NELL1: variants seen among roughly 807,000 people sequenced by gnomAD.
NELL1 encodes the protein protein kinase C-binding protein NELL1.
Under a neutral mutation model 107.4 loss-of-function variants are expected in NELL1, and 76 were observed. The observed-to-expected ratio is 0.71, with a 90% CI of 0.59 to 0.86. NELL1 has a LOEUF of 0.86. Ranked by LOEUF, NELL1 falls within the 40% of genes least tolerant of loss-of-function variation. The pLI, the probability that NELL1 is intolerant of heterozygous loss-of-function variation, is 0.00. For synonymous variants in NELL1, 353 were observed against 341.2 expected (o/e 1.03, Z -0.38); for missense variants, 1,024 against 1,005.5 (o/e 1.02, Z -0.25).
chr11:21,180,961 T>C (rs777750011), intron 13 of NELL1, among the ~76,000 whole-genome samples: 22 of 151,818 alleles, frequency 1.4e-4, no homozygotes, highest in Non-Finnish European at 2.9e-4. Flanking sequence ...ACCATTGATA[T>C]ACTAGGCAAA....
intron 13 of NELL1, among the ~76,000 whole-genome samples, chr11:21,147,367 C>T (rs995024124): frequency 6.6e-6 from 1 of 151,936 alleles, no homozygotes; most frequent in Non-Finnish European, 1.5e-5. Flanking sequence ...GAGAATTTTA[C>T]GAATAAATAC....
At chr11:21,309,254 ATATATG>A in intron 14 of NELL1, among the ~76,000 whole-genome samples, 1 of 49,652 alleles carries the variant, frequency 2.0e-5, no homozygotes, top group East Asian at 3.8e-4. Flanking sequence ...CTCTAAATAT[ATATATG>A]TATATATATA....
chr11:21,096,595 G>A (rs1180430455), intron 12 of NELL1, among the ~76,000 whole-genome samples: 1 of 152,066 alleles, frequency 6.6e-6, no homozygotes, highest in African/African-American at 2.4e-5. Context: ...GAGGTCTTTG[G>A]CACCTACCTG....
chr11:20,988,488 C>T (rs1851901402), intron 12 of NELL1, among the ~76,000 whole-genome samples: 1 of 133,158 alleles, frequency 7.5e-6, no homozygotes, highest in Non-Finnish European at 1.6e-5. Flanking sequence ...TATATATACA[C>T]ATGTACATAT....
intron 12 of NELL1, among the ~76,000 whole-genome samples, chr11:21,105,550 A>G (rs915673070): frequency 3.3e-5 from 5 of 152,146 alleles, no homozygotes; most frequent in African/African-American, 1.2e-4. Context: ...GGACATGCCT[A>G]GGGCCCGGAT....
At chr11:21,088,991 C>T (rs139128738) in intron 12 of NELL1, among the ~76,000 whole-genome samples, 2 of 152,228 alleles carry the variant, frequency 1.3e-5, no homozygotes, top group East Asian at 1.9e-4. Context: ...AGCACAGAGA[C>T]AGGACACAGC....
At chr11:20,958,890 C>G (rs1851232538) in intron 11 of NELL1, among the ~76,000 whole-genome samples, 1 of 152,162 alleles carries the variant, frequency 6.6e-6, no homozygotes, top group South Asian at 2.1e-4. Flanking sequence ...TAGGCATACC[C>G]TGGAGATATT....
chr11:20,869,476 C>T (rs1486913355), intron 4 of NELL1, among the ~76,000 whole-genome samples: 2 of 152,140 alleles, frequency 1.3e-5, no homozygotes, highest in Admixed American at 1.3e-4. Context: ...GCAGAGACAA[C>T]TGAGCCAGTT....
At chr11:20,990,826 A>G (rs1851955946) in intron 12 of NELL1, among the ~76,000 whole-genome samples, 1 of 152,124 alleles carries the variant, frequency 6.6e-6, no homozygotes, top group African/African-American at 2.4e-5. Flanking sequence ...ACTTGGCTTC[A>G]TTTCATCCTC....
intron 2 of NELL1, among the ~76,000 whole-genome samples, chr11:20,704,555 A>G (rs910653920): frequency 2.0e-5 from 3 of 152,164 alleles, no homozygotes; most frequent in Non-Finnish European, 4.4e-5. Flanking sequence ...TTATGATGTT[A>G]GCTGGTTATT....
At chr11:21,273,714 A>T (rs1565141206) in intron 14 of NELL1, among the ~76,000 whole-genome samples, 2 of 152,218 alleles carry the variant, frequency 1.3e-5, no homozygotes, top group Non-Finnish European at 2.9e-5. Flanking sequence ...CTCGGCAGAA[A>T]CTCTACAAGC....
chr11:21,273,839 G>C (rs889650881), intron 14 of NELL1, among the ~76,000 whole-genome samples: 3 of 152,144 alleles, frequency 2.0e-5, no homozygotes, highest in Non-Finnish European at 4.4e-5. Context: ...ATCCTTTACA[G>C]ACAAGCAAAT....
At chr11:20,992,989 A>G (rs1565004349) in intron 12 of NELL1, among the ~76,000 whole-genome samples, 1 of 152,116 alleles carries the variant, frequency 6.6e-6, no homozygotes, top group East Asian at 1.9e-4. Flanking sequence ...CAAAAGTGGC[A>G]TTTTTGACCA....
chr11:21,562,775 CA>C (rs1454541682), intron 17 of NELL1, among the ~76,000 whole-genome samples: 2 of 148,634 alleles, frequency 1.3e-5, no homozygotes, highest in Admixed American at 1.4e-4. Flanking sequence ...TCAAATTATG[CA>C]ACAGCAGAAT....
chr11:21,004,670 A>G (rs748138910), intron 12 of NELL1, among the ~76,000 whole-genome samples: 5 of 152,112 alleles, frequency 3.3e-5, no homozygotes, highest in Admixed American at 6.6e-5. Flanking sequence ...GCTAAGATAC[A>G]TTAATGTATA....
chr11:21,023,406 A>G (rs1852745120), intron 12 of NELL1, among the ~76,000 whole-genome samples: 1 of 152,074 alleles, frequency 6.6e-6, no homozygotes, highest in Admixed American at 6.6e-5. Context: ...ATCTCTCCAA[A>G]TGACTTATAT....
At chr11:21,259,790 T>C (rs1858860058) in intron 14 of NELL1, among the ~76,000 whole-genome samples, 1 of 151,956 alleles carries the variant, frequency 6.6e-6, no homozygotes. Flanking sequence ...TTAGCTTGCA[T>C]AGCTTTTGGG....
intron 12 of NELL1, among the ~76,000 whole-genome samples, chr11:21,032,489 A>T (rs1184013835): frequency 6.6e-6 from 1 of 152,140 alleles, no homozygotes; most frequent in African/African-American, 2.4e-5. Flanking sequence ...CCCGGGTTCA[A>T]CTGATTCTCT....
intron 12 of NELL1, among the ~76,000 whole-genome samples, chr11:21,111,863 C>T (rs542572769): frequency 1.3e-5 from 2 of 152,186 alleles, no homozygotes; most frequent in East Asian, 3.9e-4. Context: ...TAATACCTGG[C>T]TTCTCTTCTT....
Sources: gnomAD v4.1 joint callset for allele counts (sites outside exome capture counted in the v4.1 genomes callset) on GRCh38, gnomAD v4.1.1 for gene constraint, MANE v1.5 for transcripts, NCBI Gene and HGNC (gene_info 2026-07-23, HGNC 2026-07-21) for gene names.